Variants in NCKAP5 observed in about 807,000 individuals in gnomAD.
The protein encoded by NCKAP5 is NCK associated protein 5.
NCKAP5 carries 92 observed loss-of-function variants against 167.0 expected under a neutral mutation model. The ratio of observed to expected loss-of-function variants is 0.55; its 90% CI spans 0.47 to 0.66. The LOEUF is 0.66. NCKAP5 is among the 30% of genes least tolerant of loss of function. NCKAP5 has a pLI of 0.00. For synonymous variants in NCKAP5, 891 were observed against 877.4 expected (o/e 1.02, Z -0.27); for missense variants, 2,378 against 2,315.0 (o/e 1.03, Z -0.56).
chr2:133,354,254 C>CTTTTTT (rs57923596), intron 3 of NCKAP5, among the ~76,000 whole-genome samples: 3 of 142,794 alleles, frequency 2.1e-5, no homozygotes, highest in African/African-American at 7.8e-5. Context: ...GATTAGTTCT[C>CTTTTTT]TTTTTTTTTT....
intron 11 of NCKAP5, among the ~76,000 whole-genome samples, chr2:132,846,112 G>T (rs550510791): frequency 6.6e-6 from 1 of 151,938 alleles, no homozygotes; most frequent in Non-Finnish European, 1.5e-5. Context: ...CGGCTCTTGC[G>T]TGTTTTTCTA....
intron 5 of NCKAP5, among the ~76,000 whole-genome samples, chr2:133,179,649 A>G (rs966480862): frequency 1.3e-5 from 2 of 152,228 alleles, no homozygotes; most frequent in Admixed American, 1.3e-4. Flanking sequence ...CTTAGCAAAG[A>G]AATTAAAGAT....
chr2:132,919,057 T>C (rs1574627047), intron 8 of NCKAP5, among the ~76,000 whole-genome samples: 1 of 152,208 alleles, frequency 6.6e-6, no homozygotes, highest in Non-Finnish European at 1.5e-5. Flanking sequence ...CTACAAGCCA[T>C]AGTCAAAGGG....
At chr2:133,107,249 A>G (rs988281550) in intron 6 of NCKAP5, among the ~76,000 whole-genome samples, 3 of 152,156 alleles carry the variant, frequency 2.0e-5, no homozygotes, top group African/African-American at 7.2e-5. Context: ...TTCATAACCT[A>G]AAAAGCCACC....
At chr2:133,233,062 T>C (rs2087228164) in intron 4 of NCKAP5, among the ~76,000 whole-genome samples, 1 of 152,204 alleles carries the variant, frequency 6.6e-6, no homozygotes, top group South Asian at 2.1e-4. Context: ...GGATAACTGC[T>C]GCTCCCTGGA....
At chr2:133,204,092 C>T (rs1043589973) in intron 5 of NCKAP5, among the ~76,000 whole-genome samples, 1 of 152,142 alleles carries the variant, frequency 6.6e-6, no homozygotes, top group African/African-American at 2.4e-5. Context: ...CTTCACTAAC[C>T]CCAGATCATA....
chr2:132,780,809 C>T (rs927841759), intron 15 of NCKAP5, among the ~76,000 whole-genome samples: 2 of 152,202 alleles, frequency 1.3e-5, no homozygotes, highest in Admixed American at 1.3e-4. Context: ...ACTCAACGTT[C>T]TGAAAACAGC....
chr2:133,371,741 C>G (rs1056406320), intron 3 of NCKAP5, among the ~76,000 whole-genome samples: 11 of 152,254 alleles, frequency 7.2e-5, no homozygotes, highest in African/African-American at 2.6e-4. Context: ...ATGGGAGCCA[C>G]TCCCTCCTCA....
rs1461105316 is a variant in NCKAP5, at chr2:132,820,537, T to TTTGTTTA, written c.808-23809_808-23808insTAAACAA. ...GCCACCGAGCCCAGCCAGTGTTTTT[T>TTTGTTTA]TTGTTTTTTGTTTTTTGTTTTTTTT... On this transcript the variant is annotated intron_variant, in intron 11 of 19. Coordinates refer to ENST00000409261, the MANE Select transcript of NCKAP5 (RefSeq NM_207363.3). Among the ~76,000 whole-genome samples, 3 of 152,094 alleles carry TTTGTTTA rather than the reference T, an allele frequency of 2.0e-5. No individual in the cohort carries two copies. In the East Asian group the frequency reaches 5.8e-4, roughly 30 times the overall value.
chr2:133,378,635 G>T (rs181622570), intron 3 of NCKAP5, among the ~76,000 whole-genome samples: 1 of 152,110 alleles, frequency 6.6e-6, no homozygotes, highest in Non-Finnish European at 1.5e-5. Flanking sequence ...CCAGGGAAAG[G>T]GTATTGAAGG....
At chr2:133,191,409 A>C (rs149216449) in intron 5 of NCKAP5, among the ~76,000 whole-genome samples, 2,168 of 152,144 alleles carry the variant, frequency 0.014, 52 homozygotes, top group African/African-American at 0.049. Flanking sequence ...TTGACCCAGC[A>C]ATCCCATTAC....
chr2:133,462,374 C>T (rs577469514), intron 3 of NCKAP5, among the ~76,000 whole-genome samples: 2 of 152,248 alleles, frequency 1.3e-5, no homozygotes, highest in East Asian at 3.9e-4. Context: ...TAAATCTTGG[C>T]TTCTACAGAT....
chr2:133,282,057 G>A (rs1031834665), intron 4 of NCKAP5, among the ~76,000 whole-genome samples: 1 of 152,078 alleles, frequency 6.6e-6, no homozygotes, highest in East Asian at 1.9e-4. Context: ...TATATTTAGT[G>A]ACAACTCATT....
chr2:133,138,174 G>A (rs367629599), intron 5 of NCKAP5, among the ~76,000 whole-genome samples: 1 of 152,224 alleles, frequency 6.6e-6, no homozygotes, highest in South Asian at 2.1e-4. Context: ...AGGAGAAAAA[G>A]AAGGGGGGGT....
chr2:133,512,555 T>C (rs555271113), intron 3 of NCKAP5, among the ~76,000 whole-genome samples: 12 of 152,340 alleles, frequency 7.9e-5, no homozygotes, highest in Admixed American at 2.0e-4. Flanking sequence ...TTGTAACTAC[T>C]CACGTGGCCT....
At chr2:133,006,995 C>T (rs1487215128) in intron 6 of NCKAP5, among the ~76,000 whole-genome samples, 1 of 152,132 alleles carries the variant, frequency 6.6e-6, no homozygotes, top group Non-Finnish European at 1.5e-5. Context: ...CTTAAAGAAG[C>T]AGATATTGTA....
chr2:133,067,467 G>A (rs2080237421), intron 6 of NCKAP5, among the ~76,000 whole-genome samples: 1 of 152,218 alleles, frequency 6.6e-6, no homozygotes, highest in Admixed American at 6.5e-5. Flanking sequence ...TTTAGAGCTG[G>A]CCTATGCAGT....
intron 2 of NCKAP5, among the ~76,000 whole-genome samples, chr2:133,558,725 A>AAAAAAAAAAAAAAAAAC (rs1687941633): frequency 6.8e-6 from 1 of 147,436 alleles, no homozygotes; most frequent in African/African-American, 2.5e-5. Flanking sequence ...AAAAAAAAAA[A>AAAAAAAAAAAAAAAAAC]AGCCCATATG....
chr2:133,258,038 AC>A (rs1242915938), intron 4 of NCKAP5, among the ~76,000 whole-genome samples: 1 of 152,216 alleles, frequency 6.6e-6, no homozygotes, highest in Non-Finnish European at 1.5e-5. Flanking sequence ...CACTAAGGGC[AC>A]TATTACTTAC....
Sources: gnomAD v4.1 joint callset for allele counts (sites outside exome capture counted in the v4.1 genomes callset) on GRCh38, gnomAD v4.1.1 for gene constraint, MANE v1.5 for transcripts, NCBI Gene and HGNC (gene_info 2026-07-23, HGNC 2026-07-21) for gene names.